Variants in DNAH14 observed in about 807,000 individuals in gnomAD.
DNAH14 encodes the protein dynein axonemal heavy chain 14, also known as axonemal beta dynein heavy chain 14.
In DNAH14, 478 loss-of-function variants were observed where a neutral mutation model predicts 520.9. The ratio of observed to expected loss-of-function variants is 0.92; its 90% CI spans 0.85 to 0.99. The LOEUF (loss-of-function observed/expected upper bound fraction) is 0.99, where lower values mean the gene tolerates loss of function less well. Among genes scored for constraint, DNAH14 ranks in the 50% least tolerant of loss-of-function variants. The pLI is 0.00. For missense variants in DNAH14, 4,831 were observed against 5,234.5 expected (o/e 0.92, Z 2.38); for synonymous variants, 1,581 against 1,757.2 (o/e 0.90, Z 2.51).
chr1:225,337,578 G>C, intron 67 of DNAH14, 82 bp downstream of exon 67: 2 of 1,086,378 alleles, frequency 1.8e-6, no homozygotes, highest in Non-Finnish European at 2.7e-6. Context: ...AAAGTTTTCA[G>C]TGACAGATAA....
At chr1:224,982,045 A>G (rs2062310375) in intron 8 of DNAH14, among the ~76,000 whole-genome samples, 8 of 152,104 alleles carry the variant, frequency 5.3e-5, no homozygotes, top group Admixed American at 5.2e-4. Context: ...TGTTTACCCT[A>G]CCTCCATTAA....
intron 10 of DNAH14, among the ~76,000 whole-genome samples, chr1:225,015,255 C>T (rs2065118366): frequency 6.6e-6 from 1 of 152,106 alleles, no homozygotes; most frequent in African/African-American, 2.4e-5. Context: ...TCAGCCAGTC[C>T]ATGTCTTTTA....
At chr1:225,146,728 C>T (rs920842149) in intron 30 of DNAH14, among the ~76,000 whole-genome samples, 11 of 152,230 alleles carry the variant, frequency 7.2e-5, no homozygotes, top group Non-Finnish European at 1.5e-4. Flanking sequence ...ACACACTTTA[C>T]GCCCATCTGC....
chr1:225,344,518 T>C (rs189381648), intron 69 of DNAH14, among the ~76,000 whole-genome samples: 1 of 152,188 alleles, frequency 6.6e-6, no homozygotes, highest in Non-Finnish European at 1.5e-5. Flanking sequence ...CTAAGGATAA[T>C]GGCCTCCAGC....
intron 79 of DNAH14, among the ~76,000 whole-genome samples, chr1:225,378,522 T>C (rs1437058895): frequency 2.6e-5 from 4 of 152,344 alleles, no homozygotes; most frequent in Non-Finnish European, 4.4e-5. Context: ...TCTTGGCAGC[T>C]TTAAGGTTAT....
At chr1:225,147,521 C>T (rs2080061839) in intron 31 of DNAH14, among the ~76,000 whole-genome samples, 1 of 152,130 alleles carries the variant, frequency 6.6e-6, no homozygotes, top group African/African-American at 2.4e-5. Flanking sequence ...GCTACCAGGA[C>T]ACTGATGCAA....
At chr1:225,167,123 T>G (rs1429380996) in intron 35 of DNAH14, among the ~76,000 whole-genome samples, 1 of 152,214 alleles carries the variant, frequency 6.6e-6, no homozygotes, top group African/African-American at 2.4e-5. Context: ...GCAATTCCAT[T>G]TGATCTTTTA....
intron 4 of DNAH14, among the ~76,000 whole-genome samples, chr1:224,962,195 T>C (rs1464049284): frequency 6.6e-6 from 1 of 152,158 alleles, no homozygotes; most frequent in Non-Finnish European, 1.5e-5. Context: ...CTTTGTATAA[T>C]TGCCTCCCCC....
In DNAH14 at chr1:225,360,854, A is replaced by G. The variant is rs2150548874; in HGVS notation, c.11950A>G (p.Thr3984Ala). The change falls in exon 75 of 86, where the codon ACA becomes GCA. Residue 3984 changes from threonine to alanine, a missense_variant. By Grantham distance (58) the Thr-to-Ala change is moderately conservative. Transcript: ENST00000682510. ...CTTCCTCCAGAACTGCCATCTTGCAACATCATTTATGCCAAGGCTTTGCAC... is the reference window on the plus strand; with the variant it reads ...CTTCCTCCAGAACTGCCATCTTGCAGCATCATTTATGCCAAGGCTTTGCAC... ...WVFLQNCHLA[T>A]SFMPRLCTIV... 1 of 1,551,730 alleles carries G rather than the reference A, an allele frequency of 6.4e-7. No homozygotes were observed. Among genetic ancestry groups the G allele is most frequent in the Non-Finnish European group, 8.7e-7 (1 of 1,146,986 alleles).
intron 34 of DNAH14, among the ~76,000 whole-genome samples, chr1:225,158,518 C>T (rs1479322938): frequency 6.6e-6 from 1 of 152,194 alleles, no homozygotes; most frequent in South Asian, 2.1e-4. Flanking sequence ...CTGAACTTTA[C>T]TCGAGTGGAC....
chr1:225,026,153 G>A (rs1451546323), intron 11 of DNAH14, among the ~76,000 whole-genome samples: 1 of 151,762 alleles, frequency 6.6e-6, no homozygotes, highest in Non-Finnish European at 1.5e-5. Context: ...TTTGATTGCT[G>A]AGTTCTAAGA....
intron 54 of DNAH14, among the ~76,000 whole-genome samples, chr1:225,285,576 G>T (rs2093721254): frequency 6.6e-6 from 1 of 151,346 alleles, no homozygotes; most frequent in Admixed American, 6.6e-5. Flanking sequence ...ACAGATGCTG[G>T]CCCAGTGTGG....
intron 61 of DNAH14, among the ~76,000 whole-genome samples, chr1:225,319,558 T>C (rs1179514173): frequency 6.6e-6 from 1 of 152,202 alleles, no homozygotes; most frequent in African/African-American, 2.4e-5. Flanking sequence ...AGAGATCATA[T>C]TACAATGCTG....
At chr1:224,942,007 A>G (rs972587068) in intron 1 of DNAH14, among the ~76,000 whole-genome samples, 1 of 152,162 alleles carries the variant, frequency 6.6e-6, no homozygotes, top group Non-Finnish European at 1.5e-5. Flanking sequence ...TTTTGGTTCC[A>G]TATGAACTTT....
chr1:225,229,832 A>G (rs915182798), intron 41 of DNAH14, among the ~76,000 whole-genome samples: 6 of 151,992 alleles, frequency 3.9e-5, no homozygotes, highest in South Asian at 2.1e-4. Flanking sequence ...GGGTTGATGG[A>G]TGCAGCACAC....
At chr1:225,275,852 G>A (rs944134727) in intron 52 of DNAH14, 62 bp from the exon 53 acceptor site, 1 of 237,462 alleles carries the variant, frequency 4.2e-6, no homozygotes, top group Non-Finnish European at 9.2e-6. Context: ...TATGCTGTGA[G>A]TTTTGATAAC....
chr1:225,389,274 A>T (rs1012556156), intron 82 of DNAH14, among the ~76,000 whole-genome samples: 1 of 152,208 alleles, frequency 6.6e-6, no homozygotes, highest in African/African-American at 2.4e-5. Context: ...GAGTCCAAGG[A>T]CATGAAGTGC....
intron 29 of DNAH14, among the ~76,000 whole-genome samples, 158 bp downstream of exon 29, chr1:225,144,786 T>C (rs2079768779): frequency 6.6e-6 from 1 of 152,206 alleles, no homozygotes; most frequent in Non-Finnish European, 1.5e-5. Flanking sequence ...CAATGATGTT[T>C]TGAATGCCTA....
chr1:225,320,317 G>A (rs1015050668), intron 61 of DNAH14, among the ~76,000 whole-genome samples: 1 of 152,144 alleles, frequency 6.6e-6, no homozygotes, highest in Non-Finnish European at 1.5e-5. Flanking sequence ...GCTGGCATAA[G>A]GCAAATGCTC....
Sources: allele counts gnomAD v4.1 joint callset (sites outside exome capture counted in the v4.1 genomes callset), GRCh38; gene constraint gnomAD v4.1.1; transcripts MANE v1.5; gene names NCBI Gene and HGNC (gene_info 2026-07-23, HGNC 2026-07-21).